The following PPP2CB variants were observed in gnomAD, a reference collection of about 807,000 sequenced individuals.
The protein encoded by PPP2CB is protein phosphatase 2 catalytic subunit beta.
A neutral mutation model predicts 39.1 loss-of-function variants in PPP2CB; 18 were observed. That is an observed-to-expected ratio of 0.46 (90% confidence interval 0.32 to 0.68). The LOEUF (loss-of-function observed/expected upper bound fraction) is 0.68, where lower values mean the gene tolerates loss of function less well. PPP2CB is among the 30% of genes least tolerant of loss of function. The probability of loss-of-function intolerance (pLI) is 0.04; values close to 1 mark genes in which losing one functional copy is unlikely to be tolerated. For missense variants in PPP2CB, 226 were observed against 396.9 expected (o/e 0.57, Z 3.66); for synonymous variants, 129 against 133.8 (o/e 0.96, Z 0.25).
chr8:30,804,981 T>C (rs1164918223), intron 1 of PPP2CB, among the ~76,000 whole-genome samples: 2 of 152,188 alleles, frequency 1.3e-5, no homozygotes, highest in African/African-American at 2.4e-5. Flanking sequence ...CTGGTGTTCA[T>C]TAATCGTGTC....
intron 2 of PPP2CB, 27 bp from the exon 3 acceptor site, chr8:30,797,781 G>C: frequency 6.2e-7 from 1 of 1,602,876 alleles, no homozygotes; most frequent in Non-Finnish European, 8.5e-7. Flanking sequence ...AAAACCCATA[G>C]TAAAATCACA....
chr8:30,808,553 G>A (rs1806764421), intron 1 of PPP2CB, among the ~76,000 whole-genome samples: 4 of 152,122 alleles, frequency 2.6e-5, no homozygotes, highest in Admixed American at 2.6e-4. Context: ...ATTAAAGATA[G>A]TTTATATAAT....
intron 5 of PPP2CB, 49 bp downstream of exon 5, chr8:30,793,868 A>G: frequency 6.5e-7 from 1 of 1,544,326 alleles, no homozygotes; most frequent in Non-Finnish European, 8.8e-7. Flanking sequence ...TTATTACAGA[A>G]GTATATACTA....
intron 6 of PPP2CB, 42 bp from the exon 7 acceptor site, chr8:30,786,349 T>G (rs899145008): frequency 6.8e-7 from 1 of 1,472,612 alleles, no homozygotes; most frequent in Non-Finnish European, 9.3e-7. Context: ...GATCTGACTT[T>G]GCAAAGAAAA....
chr8:30,805,677 C>A (rs1296338771), intron 1 of PPP2CB, among the ~76,000 whole-genome samples: 3 of 152,140 alleles, frequency 2.0e-5, no homozygotes, highest in Non-Finnish European at 4.4e-5. Flanking sequence ...AAGCTTTTTT[C>A]TAAGATTGAA....
At chr8:30,810,032 C>T (rs946420511) in intron 1 of PPP2CB, 2 of 151,906 alleles carry the variant, frequency 1.3e-5, no homozygotes, top group Non-Finnish European at 2.9e-5. Flanking sequence ...ATTTAGGAGC[C>T]GAAGTAAAAA....
chr8:30,807,342 T>G (rs1028588267), intron 1 of PPP2CB, among the ~76,000 whole-genome samples: 2 of 152,200 alleles, frequency 1.3e-5, no homozygotes, highest in African/African-American at 4.8e-5. Flanking sequence ...CAAAAATCAC[T>G]CATTTTTACC....
Position 30,786,193 on chromosome 8 carries a change from A to G in PPP2CB, c.*42T>C. 7.0e-7 allele frequency: 1 copy of G among 1,424,014 alleles called. No individual in the cohort carries two copies. Among genetic ancestry groups the G allele is most frequent in the East Asian group, 2.5e-5 (1 of 40,770 alleles). 88.2% of individuals were successfully genotyped at this position (1,424,014 alleles called of 1,614,324 possible). A position where few individuals can be genotyped will look rare whatever the true frequency, so the allele number is the denominator to read the frequency against. ...TTAAATACATATATTTTAAAAAGCC[A>G]GGTATACTTCCACATACAAAGGCAG... On this transcript the variant is annotated 3_prime_UTR_variant, in exon 7 of 7. Coordinates refer to ENST00000221138, the MANE Select transcript of PPP2CB (RefSeq NM_001009552.2).
chr8:30,808,292 T>G (rs961069371), intron 1 of PPP2CB, among the ~76,000 whole-genome samples: 1 of 151,602 alleles, frequency 6.6e-6, no homozygotes, highest in Non-Finnish European at 1.5e-5. Context: ...AGAGATAGGG[T>G]TTTACCATGT....
chr8:30,787,601 C>T (rs955363947), intron 6 of PPP2CB, among the ~76,000 whole-genome samples: 3 of 152,150 alleles, frequency 2.0e-5, no homozygotes, highest in Admixed American at 6.5e-5. Context: ...TCCCAAAGTG[C>T]TAGGATTACT....
At chr8:30,808,022 T>G (rs1299928186) in intron 1 of PPP2CB, among the ~76,000 whole-genome samples, 1 of 152,194 alleles carries the variant, frequency 6.6e-6, no homozygotes, top group African/African-American at 2.4e-5. Context: ...CCACTGGCAC[T>G]AGGATAGATT....
chr8:30,794,367 G>T, intron 3 of PPP2CB, 86 bp from the exon 4 acceptor site: 2 of 1,122,654 alleles, frequency 1.8e-6, no homozygotes, highest in Non-Finnish European at 1.3e-6. Context: ...AAAAGTGTCA[G>T]TCCAAATAGT....
chr8:30,794,705 C>G (rs1806490947), intron 3 of PPP2CB, among the ~76,000 whole-genome samples: 1 of 152,126 alleles, frequency 6.6e-6, no homozygotes, highest in Admixed American at 6.5e-5. Flanking sequence ...TGGGCCCAAG[C>G]AATCCTCCTG....
Position 30,785,985 on chromosome 8 carries a change from G to T in PPP2CB, c.*250C>A. 3 of 620,680 alleles carry T rather than the reference G, an allele frequency of 4.8e-6. No individual in the cohort carries two copies. The highest frequency in any genetic ancestry group is 3.0e-5 in the South Asian group (2 of 65,914). 38.4% of individuals were successfully genotyped at this position (620,680 alleles called of 1,614,324 possible). A position where few individuals can be genotyped will look rare whatever the true frequency, so the allele number is the denominator to read the frequency against. On this transcript the variant is annotated 3_prime_UTR_variant, in exon 7 of 7. Transcript: ENST00000221138. ...TTGCTTGAACAGTCCAAAGGAAAAT[G>T]GTTACTATAAATACAGCAGGCAAAC... is the stretch of plus-strand genomic sequence containing the variant.
chr8:30,799,730 G>T lies in PPP2CB; in HGVS notation c.128C>A (p.Ser43Ter). 6.2e-7 allele frequency: 1 copy of T among 1,613,674 alleles called. No homozygotes were observed. Among genetic ancestry groups the T allele is most frequent in the Non-Finnish European group, 8.5e-7 (1 of 1,179,824 alleles). Reference sequence around the variant, plus strand: ...AGGGCAACGAACCTCTTGCACATTTGATTCTTTTGTTAAAATTTCCTTTGC... The same window carrying T: ...AGGGCAACGAACCTCTTGCACATTTTATTCTTTTGTTAAAATTTCCTTTGC... ...EKAKEILTKE[S>*]NVQEVRCPVT... The change falls in exon 2 of 7, where the codon TCA (serine) becomes TAA (stop). Residue 43 changes from serine to a stop codon, truncating the protein, a stop_gained. Coordinates refer to ENST00000221138, the MANE Select transcript of PPP2CB (RefSeq NM_001009552.2). LOFTEE classifies it high-confidence loss of function.
chr8:30,801,780 C>T (rs1806632120), intron 1 of PPP2CB, among the ~76,000 whole-genome samples: 1 of 152,140 alleles, frequency 6.6e-6, no homozygotes, highest in Admixed American at 6.6e-5. Flanking sequence ...TTTCAAAACA[C>T]ACAATAGTTT....
chr8:30,804,338 G>C (rs1806682928), intron 1 of PPP2CB, among the ~76,000 whole-genome samples: 1 of 152,142 alleles, frequency 6.6e-6, no homozygotes, highest in Non-Finnish European at 1.5e-5. Context: ...GAGAGGTCTG[G>C]CCTTTGCCCC....
At chr8:30,790,906 T>G in intron 6 of PPP2CB, 1 of 248,260 alleles carries the variant, frequency 4.0e-6, no homozygotes, top group South Asian at 6.0e-5. Context: ...TGGGAGGAGT[T>G]GGAGGGGGCA....
rs1186505937 is a variant in PPP2CB, at chr8:30,812,275, C to T, written c.102+45G>A. ...CGGGGCGGGCAGGAAAGCGGCGGCCCGTCCCAGCCCCGCGCTCCCGCACTC... is the reference window on the plus strand; with the variant it reads ...CGGGGCGGGCAGGAAAGCGGCGGCCTGTCCCAGCCCCGCGCTCCCGCACTC... On this transcript the variant is annotated intron_variant, in intron 1 of 6. Coordinates refer to ENST00000221138, the MANE Select transcript of PPP2CB (RefSeq NM_001009552.2). The T allele has an allele frequency of 8.6e-6, 12 of 1,389,998 alleles. No homozygotes were observed. In the East Asian group the frequency reaches 9.6e-5, roughly 11 times the overall value. The allele number at this position is 1,389,998 out of a possible 1,614,324, so 86.1% of individuals were successfully genotyped here.
Sources: gnomAD v4.1 joint callset for allele counts (sites outside exome capture counted in the v4.1 genomes callset) on GRCh38, gnomAD v4.1.1 for gene constraint, MANE v1.5 for transcripts, NCBI Gene and HGNC (gene_info 2026-07-23, HGNC 2026-07-21) for gene names.